The following LIPC variants were observed in gnomAD, a reference collection of about 807,000 sequenced individuals.
LIPC encodes the protein hepatic triacylglycerol lipase.
In LIPC, 44 loss-of-function variants were observed where a neutral mutation model predicts 50.7. That is an observed-to-expected ratio of 0.87 (90% CI 0.68 to 1.11). The LOEUF (loss-of-function observed/expected upper bound fraction) is 1.11. Among genes scored for constraint, LIPC ranks in the 50% most tolerant of loss-of-function variants. The pLI, the probability that LIPC is intolerant of heterozygous loss-of-function variation, is 0.00. For missense variants in LIPC, 697 were observed against 648.2 expected (o/e 1.08, Z -0.82); for synonymous variants, 271 against 256.4 (o/e 1.06, Z -0.54).
intron 6 of LIPC, among the ~76,000 whole-genome samples, chr15:58,551,029 G>A (rs1893739996): frequency 6.9e-6 from 1 of 144,764 alleles, no homozygotes. Flanking sequence ...TAGAGACGGG[G>A]TTTCGCCACG....
intron 1 of LIPC, among the ~76,000 whole-genome samples, chr15:58,446,263 A>T (rs1442511703): frequency 6.6e-6 from 1 of 152,076 alleles, no homozygotes; most frequent in African/African-American, 2.4e-5. Flanking sequence ...GTGCAGTGGT[A>T]TGATCTTGGC....
chr15:58,545,477 T>G (rs1321713285), intron 4 of LIPC, among the ~76,000 whole-genome samples: 2 of 152,200 alleles, frequency 1.3e-5, no homozygotes, highest in Non-Finnish European at 2.9e-5. Context: ...TCAGGCATCA[T>G]AACCTTGTGT....
intron 2 of LIPC, among the ~76,000 whole-genome samples, chr15:58,539,115 G>A (rs1463578599): frequency 6.6e-6 from 1 of 152,138 alleles, no homozygotes; most frequent in South Asian, 2.1e-4. Context: ...AGTCCAAGAT[G>A]GCAGCTAGAG....
intron 1 of LIPC, among the ~76,000 whole-genome samples, chr15:58,478,691 A>G (rs556478758): frequency 4.5e-4 from 69 of 152,278 alleles, no homozygotes; most frequent in Middle Eastern, 6.8e-3. Context: ...CAAGAGTTGA[A>G]CTCATACCAC....
At chr15:58,558,187 C>T (rs1411843989) in intron 6 of LIPC, among the ~76,000 whole-genome samples, 1 of 152,112 alleles carries the variant, frequency 6.6e-6, no homozygotes, top group Non-Finnish European at 1.5e-5. Flanking sequence ...ATTCTCCTAC[C>T]TCAGCCTCCC....
chr15:58,554,339 C>A (rs1437942783), intron 6 of LIPC, among the ~76,000 whole-genome samples: 6 of 152,140 alleles, frequency 3.9e-5, no homozygotes, highest in Admixed American at 2.6e-4. Flanking sequence ...GAAATAATTT[C>A]TCCTGCCAGA....
intron 1 of LIPC, among the ~76,000 whole-genome samples, chr15:58,443,174 A>T (rs1302711132): frequency 6.6e-6 from 1 of 152,118 alleles, no homozygotes; most frequent in African/African-American, 2.4e-5. Context: ...AGCCTCCCAA[A>T]GTGCTGGGAT....
chr15:58,460,752 G>A (rs1273732235), intron 1 of LIPC, among the ~76,000 whole-genome samples: 1 of 152,182 alleles, frequency 6.6e-6, no homozygotes, highest in Non-Finnish European at 1.5e-5. Context: ...CTCTGGAGCT[G>A]GGAAAAGAGG....
intron 1 of LIPC, among the ~76,000 whole-genome samples, chr15:58,487,676 T>G (rs1891424924): frequency 1.3e-5 from 2 of 152,112 alleles, no homozygotes; most frequent in Admixed American, 1.3e-4. Context: ...TTCTGTAGAG[T>G]GGGGACTGAA....
intron 1 of LIPC, among the ~76,000 whole-genome samples, chr15:58,462,184 C>G (rs1339660063): frequency 1.3e-5 from 2 of 152,236 alleles, no homozygotes; most frequent in African/African-American, 4.8e-5. Context: ...CATATTTCCA[C>G]CTTCCCTATA....
chr15:58,479,904 C>T (rs1891128753), intron 1 of LIPC, among the ~76,000 whole-genome samples: 1 of 152,170 alleles, frequency 6.6e-6, no homozygotes, highest in Non-Finnish European at 1.5e-5. Context: ...ATTTAGGCTC[C>T]GTGGGCCTCA....
chr15:58,449,914 G>A (rs1893841783), intron 1 of LIPC, among the ~76,000 whole-genome samples: 1 of 152,136 alleles, frequency 6.6e-6, no homozygotes. Context: ...TTTGTCTGGT[G>A]ATGTTGGTCC....
intron 1 of LIPC, among the ~76,000 whole-genome samples, chr15:58,520,247 T>C (rs984671217): frequency 2.0e-5 from 3 of 151,806 alleles, no homozygotes; most frequent in Non-Finnish European, 4.4e-5. Context: ...CTAAAAGCAA[T>C]TTTGTTTGGG....
chr15:58,432,291 C>T (rs1893150580), intron 1 of LIPC, 171 bp downstream of exon 1: 1 of 647,582 alleles, frequency 1.5e-6, no homozygotes, highest in Non-Finnish European at 2.8e-6. Context: ...CGTTTGTAAA[C>T]AGAAATGAAA....
At chr15:58,450,996 G>C (rs1893879863) in intron 1 of LIPC, among the ~76,000 whole-genome samples, 1 of 152,190 alleles carries the variant, frequency 6.6e-6, no homozygotes, top group Non-Finnish European at 1.5e-5. Context: ...GGCTGCAATT[G>C]CGATTTATCA....
chr15:58,559,806 T>C (rs1162079536), intron 6 of LIPC, among the ~76,000 whole-genome samples: 1 of 151,612 alleles, frequency 6.6e-6, no homozygotes, highest in Non-Finnish European at 1.5e-5. Flanking sequence ...GGGGAGAATA[T>C]GGAGACAAGA....
chr15:58,506,755 G>C (rs1595905904), intron 1 of LIPC, among the ~76,000 whole-genome samples: 2 of 152,288 alleles, frequency 1.3e-5, no homozygotes, highest in South Asian at 4.1e-4. Context: ...CCCCCACCCT[G>C]ACGTGGGGGA....
chr15:58,433,405 T>C (rs1334430775), intron 1 of LIPC, among the ~76,000 whole-genome samples: 1 of 152,246 alleles, frequency 6.6e-6, no homozygotes. Flanking sequence ...CCCTTGAGCC[T>C]TAACATATAT....
intron 8 of LIPC, chr15:58,565,266 G>C (rs1459201398): frequency 6.5e-7 from 1 of 1,535,688 alleles, no homozygotes. Context: ...TGGCCCATTG[G>C]AGCAGCGCTG....
Sources: gnomAD v4.1 joint callset for allele counts (sites outside exome capture counted in the v4.1 genomes callset) on GRCh38, gnomAD v4.1.1 for gene constraint, MANE v1.5 for transcripts, NCBI Gene and HGNC (gene_info 2026-07-23, HGNC 2026-07-21) for gene names.